The following CEP63 variants were observed in gnomAD, a reference collection of about 807,000 sequenced individuals.
CEP63 encodes centrosomal protein 63, also known as centrosomal protein of 63 kDa.
Under a neutral mutation model 89.1 loss-of-function variants are expected in CEP63, and 84 were observed. The observed-to-expected ratio is 0.94, with a 90% confidence interval of 0.79 to 1.13. The LOEUF (loss-of-function observed/expected upper bound fraction) is 1.13. Ranked by LOEUF, CEP63 falls within the 50% of genes most tolerant of loss-of-function variation. CEP63 has a pLI of 0.00. For synonymous variants in CEP63, 267 were observed against 272.5 expected (o/e 0.98, Z 0.20); for missense variants, 838 against 813.3 (o/e 1.03, Z -0.37).
chr3:134,606,029 A>G, the CEP63 span, among the ~76,000 whole-genome samples: 164 of 152,294 alleles, frequency 1.1e-3, no homozygotes, highest in African/African-American at 3.9e-3. Context: ...CCTCCAAAGG[A>G]AAGTGACCAA....
chr3:134,627,042 G>A, the CEP63 span, among the ~76,000 whole-genome samples: 1 of 152,126 alleles, frequency 6.6e-6, no homozygotes, highest in Non-Finnish European at 1.5e-5. Context: ...TAGAATAAAG[G>A]TGGCATTTCT....
At chr3:134,625,127 AG>A in the CEP63 span, 1 of 1,597,478 alleles carries the variant, frequency 6.3e-7, no homozygotes, top group East Asian at 2.3e-5. Flanking sequence ...GATCGATCCC[AG>A]GGGTAGGCTG....
In CEP63 at chr3:134,532,853, C is replaced by G. The variant is rs1950107120; in HGVS notation, c.394C>G (p.His132Asp). The stretch of plus-strand genomic sequence containing the variant: ...GGAATTCAGAGGAAATACCAAAAAT[C>G]ACAGGGAAGATCGGTCTGAAATTGA... The part of the protein sequence containing the change: ...MREFRGNTKN[H>D]REDRSEIERL... Residue 132 changes from histidine to aspartate, a missense_variant, in exon 5 of 15, where the codon CAC becomes GAC. Physicochemically the swap from His to Asp is moderately conservative, Grantham distance 81. Coordinates refer to ENST00000675561, the MANE Select transcript of CEP63 (RefSeq NM_001353108.3). The G allele has an allele frequency of 6.2e-7, 1 of 1,613,726 alleles. No individual in the cohort carries two copies. Among genetic ancestry groups the G allele is most frequent in the Non-Finnish European group, 8.5e-7 (1 of 1,179,780 alleles).
At chr3:134,752,843 G>C in the CEP63 span, among the ~76,000 whole-genome samples, 17 of 152,226 alleles carry the variant, frequency 1.1e-4, no homozygotes, top group East Asian at 3.1e-3. Context: ...ACCCTGAACT[G>C]TTTGAAGCCA....
chr3:134,716,269 A>G, the CEP63 span, among the ~76,000 whole-genome samples: 4 of 152,200 alleles, frequency 2.6e-5, no homozygotes, highest in Non-Finnish European at 4.4e-5. Context: ...TTTCATGGAA[A>G]TGGTCTTTAG....
chr3:134,663,720 G>T, the CEP63 span, among the ~76,000 whole-genome samples: 1 of 28,314 alleles, frequency 3.5e-5, no homozygotes, highest in Non-Finnish European at 1.1e-4. Flanking sequence ...GGGCCAGGAA[G>T]GAGGGATATG....
chr3:134,678,818 C>T, the CEP63 span, among the ~76,000 whole-genome samples: 4 of 152,202 alleles, frequency 2.6e-5, no homozygotes, highest in Non-Finnish European at 4.4e-5. Flanking sequence ...TGCTCATGCA[C>T]CCCCTCCACT....
At chr3:134,596,357 T>G in the CEP63 span, among the ~76,000 whole-genome samples, 1 of 152,214 alleles carries the variant, frequency 6.6e-6, no homozygotes, top group South Asian at 2.1e-4. Context: ...AGTCAGTATG[T>G]GTCCTCTTTT....
the CEP63 span, chr3:134,650,838 C>T: frequency 3.9e-5 from 62 of 1,603,342 alleles, 2 homozygotes; most frequent in South Asian, 5.1e-4. Flanking sequence ...CTCCGCGCTG[C>T]AGCAGCGAGC....
chr3:134,634,792 C>T, the CEP63 span, among the ~76,000 whole-genome samples: 14 of 152,276 alleles, frequency 9.2e-5, no homozygotes, highest in Admixed American at 3.3e-4. Flanking sequence ...TCTGCAGGGA[C>T]GACTGTGGGA....
chr3:134,726,507 G>C, the CEP63 span, among the ~76,000 whole-genome samples: 9 of 149,436 alleles, frequency 6.0e-5, no homozygotes, highest in African/African-American at 1.7e-4. Context: ...CACACACACA[G>C]AGCAAGAATG....
chr3:134,651,436 T>C, the CEP63 span: 1 of 1,039,918 alleles, frequency 9.6e-7, no homozygotes, highest in Non-Finnish European at 1.2e-6. Context: ...CGCACAGTGC[T>C]GTCAACATTG....
the CEP63 span, among the ~76,000 whole-genome samples, chr3:134,676,379 C>T: frequency 6.6e-6 from 1 of 152,008 alleles, no homozygotes; most frequent in East Asian, 1.9e-4. Flanking sequence ...ACAGAATGGG[C>T]AAGTTCAAAG....
At chr3:134,581,709 T>A (rs1241616002) in intron 10 of CEP63, among the ~76,000 whole-genome samples, 1 of 127,478 alleles carries the variant, frequency 7.8e-6, no homozygotes, top group Non-Finnish European at 1.6e-5. Context: ...GGAGTCTCGC[T>A]CTGTTGCCCA....
At chr3:134,713,504 C>G in the CEP63 span, among the ~76,000 whole-genome samples, 4 of 152,200 alleles carry the variant, frequency 2.6e-5, no homozygotes, top group East Asian at 3.8e-4. Flanking sequence ...GCAGAAAGGT[C>G]TAAGCTGAGA....
intron 2 of CEP63, among the ~76,000 whole-genome samples, chr3:134,496,514 T>C (rs533484321): frequency 6.6e-6 from 1 of 152,004 alleles, no homozygotes; most frequent in Non-Finnish European, 1.5e-5. Context: ...GTTGTCAACA[T>C]TCTTGCAAGG....
the CEP63 span, among the ~76,000 whole-genome samples, chr3:134,653,927 G>T: frequency 6.6e-6 from 1 of 152,124 alleles, no homozygotes; most frequent in Non-Finnish European, 1.5e-5. Flanking sequence ...AAGATGCAAG[G>T]CTCTCTGTAT....
Position 134,507,264 on chromosome 3 carries a change from A to T in CEP63, c.200A>T (p.Gln67Leu), listed in dbSNP as rs1468805523. The T allele has an allele frequency of 6.2e-7, 1 of 1,613,586 alleles. No homozygotes were observed. Among genetic ancestry groups the T allele is most frequent in the South Asian group, 1.1e-5 (1 of 91,006 alleles). ...CAGGAACTTAAGAGTCTTAGGAGTC[A>T]GTTGGATGTGACACATAAGGAGGTA... ...REQELKSLRS[Q>L]LDVTHKEVGM... Residue 67 changes from glutamine to leucine, a missense_variant, in exon 3 of 15, where the codon CAG becomes CTG. Gln to Leu is a moderately radical substitution (Grantham distance 113). Coordinates refer to ENST00000675561, the MANE Select transcript of CEP63 (RefSeq NM_001353108.3).
intron 5 of CEP63, chr3:134,536,329 T>A (rs186539581): frequency 6.6e-6 from 1 of 152,568 alleles, no homozygotes; most frequent in Admixed American, 6.5e-5. Flanking sequence ...AGTAGAATGA[T>A]TGAATGAATG....
Sources: allele counts gnomAD v4.1 joint callset (sites outside exome capture counted in the v4.1 genomes callset), GRCh38; gene constraint gnomAD v4.1.1; transcripts MANE v1.5; gene names NCBI Gene and HGNC (gene_info 2026-07-23, HGNC 2026-07-21).